Variants in EIF2AK4 observed in about 807,000 individuals in gnomAD.
The protein encoded by EIF2AK4 is eukaryotic translation initiation factor 2 alpha kinase 4.
Under a neutral mutation model 211.1 loss-of-function variants are expected in EIF2AK4, and 139 were observed. The observed-to-expected ratio is 0.66, with a 90% CI of 0.57 to 0.76. EIF2AK4 has a LOEUF of 0.76. Ranked by LOEUF, EIF2AK4 falls within the 30% of genes least tolerant of loss-of-function variation. EIF2AK4 has a pLI of 0.00. For synonymous variants in EIF2AK4, 710 were observed against 751.3 expected (o/e 0.94, Z 0.90); for missense variants, 1,664 against 2,043.8 (o/e 0.81, Z 3.58).
intron 4 of EIF2AK4, among the ~76,000 whole-genome samples, chr15:39,950,808 A>G (rs553015347): frequency 6.6e-6 from 1 of 152,314 alleles, no homozygotes; most frequent in African/African-American, 2.4e-5. Flanking sequence ...CCCATCTGAC[A>G]TGAAAGCAGA....
intron 7 of EIF2AK4, among the ~76,000 whole-genome samples, chr15:39,963,181 A>G (rs904925648): frequency 1.3e-5 from 2 of 152,228 alleles, no homozygotes; most frequent in African/African-American, 4.8e-5. Flanking sequence ...GAGCTGCCAT[A>G]TTTAGACAAA....
At chr15:39,999,732 A>G (rs1326684507) in intron 20 of EIF2AK4, among the ~76,000 whole-genome samples, 1 of 152,216 alleles carries the variant, frequency 6.6e-6, no homozygotes, top group African/African-American at 2.4e-5. Context: ...AGTGAAGGCC[A>G]TTAGAAATAC....
chr15:40,017,182 C>G lies in EIF2AK4; in HGVS notation c.4005C>G (p.Ile1335Met). ...TCATCTTCCAGTTTGTGGCTTTCAT[C>G]AAACGAAGGCAAAGGGCTGTACCTG... is the stretch of plus-strand genomic sequence containing the variant. ...NGIIFQFVAFIKRRQRAVPEI... is the reference protein window; with the variant it reads ...NGIIFQFVAFMKRRQRAVPEI... The change falls in exon 29 of 39, where the codon ATC (isoleucine) becomes ATG (methionine). Residue 1335 changes from isoleucine (I) to methionine (M), a missense_variant. Physicochemically the swap from Ile to Met is conservative, Grantham distance 10. Transcript: ENST00000263791. The G allele has an allele frequency of 3.7e-6, 6 of 1,614,008 alleles. No homozygotes were observed. The highest frequency in any genetic ancestry group is 4.2e-6 in the Non-Finnish European group (5 of 1,179,916).
chr15:40,030,416 A>C lies in EIF2AK4; in HGVS notation c.4619A>C (p.Glu1540Ala). ...CCCATTGTGAGTGTGCTAGCCCCGG[A>C]GAAGCTGTCAGCCAGCACTAGGAGG... Reference protein sequence around the residue: ...VVPIVSVLAPEKLSASTRRRY... With the variant: ...VVPIVSVLAPAKLSASTRRRY... The change falls in exon 35 of 39, where the codon GAG (glutamate) becomes GCG (alanine). Residue 1540 changes from glutamate to alanine, a missense_variant. Physicochemically the swap from Glu to Ala is moderately radical, Grantham distance 107 (BLOSUM62 -1). Coordinates refer to ENST00000263791, the MANE Select transcript of EIF2AK4 (RefSeq NM_001013703.4). 1 of 1,614,142 alleles carries C rather than the reference A, an allele frequency of 6.2e-7. No individual in the cohort carries two copies. The highest frequency in any genetic ancestry group is 1.1e-5 in the South Asian group (1 of 91,062).
At chr15:40,027,261 G>A in intron 33 of EIF2AK4, among the ~76,000 whole-genome samples, 1 of 152,074 alleles carries the variant, frequency 6.6e-6, no homozygotes, top group African/African-American at 2.4e-5. Flanking sequence ...TCTCCTGTCT[G>A]TTTATGTATT....
chr15:40,003,183 T>G lies in EIF2AK4; in HGVS notation c.3236-10T>G. 6.2e-7 allele frequency: 1 copy of G among 1,612,612 alleles called. No individual in the cohort carries two copies. Among genetic ancestry groups the G allele is most frequent in the Non-Finnish European group, 8.5e-7 (1 of 1,179,438 alleles). On this transcript the variant is annotated splice_polypyrimidine_tract_variant and intron_variant, in intron 22 of 38. Transcript: ENST00000263791. The stretch of plus-strand genomic sequence containing the variant: ...CCTGATGATGAGCTATTTTTTCTCA[T>G]TTGGTGTAGGAGCTGTTCAGTTGTG...
intron 29 of EIF2AK4, among the ~76,000 whole-genome samples, chr15:40,017,551 A>ATATGTATATGTATGTATG (rs57395145): frequency 1.1e-5 from 1 of 87,094 alleles, no homozygotes; most frequent in Non-Finnish European, 2.3e-5. Flanking sequence ...ATATATATAT[A>ATATGTATATGTATGTATG]TATGTATTTT....
At position 40,003,181 on chromosome 15, in the gene EIF2AK4, C is replaced by T. The variant is rs1567001142; in HGVS notation, c.3236-12C>T. On this transcript the variant is annotated splice_polypyrimidine_tract_variant and intron_variant, in intron 22 of 38. Transcript: ENST00000263791. ...AACCTGATGATGAGCTATTTTTTCT[C>T]ATTTGGTGTAGGAGCTGTTCAGTTG... is the stretch of plus-strand genomic sequence containing the variant. 3 of 1,610,304 alleles carry T rather than the reference C, an allele frequency of 1.9e-6. No homozygotes were observed. The highest frequency in any genetic ancestry group is 1.3e-5 in the African/African-American group (1 of 74,734).
intron 6 of EIF2AK4, among the ~76,000 whole-genome samples, chr15:39,958,551 G>A (rs1458862347): frequency 2.0e-5 from 3 of 152,140 alleles, no homozygotes; most frequent in Admixed American, 6.5e-5. Flanking sequence ...TCCTTGATAC[G>A]TCTCTCCAGA....
Position 40,001,077 on chromosome 15 carries a change from C to T in EIF2AK4, c.3012C>T (p.Pro1004=). 1 of 1,614,186 alleles carries T rather than the reference C, an allele frequency of 6.2e-7. No individual in the cohort carries two copies. The highest frequency in any genetic ancestry group is 8.5e-7 in the Non-Finnish European group (1 of 1,180,032). The change falls in exon 21 of 39, where the codon CCC becomes CCT. Residue 1004 remains proline, a synonymous_variant. Coordinates refer to ENST00000263791, the MANE Select transcript of EIF2AK4 (RefSeq NM_001013703.4). ...TCAAGAGTGAGCTGCTGCCCCCACC[C>T]CAGATGGAGGAGTCAGAGCTGCATG... ...ELLKSELLPP[P]QMEESELHEV... is the part of the protein sequence containing the mutation.
chr15:39,987,978 T>A lies in EIF2AK4; in HGVS notation c.2404-5T>A. 4 of 1,614,074 alleles carry A rather than the reference T, an allele frequency of 2.5e-6. No homozygotes were observed. The South Asian group carries it at 4.4e-5, about 18-fold the overall frequency. ...ATCAAATTCTCCTGGTTTGTCTGTA[T>A]ATAGATGGAGTACTGTGAGAAGAGC... On this transcript the variant is annotated splice_region_variant and splice_polypyrimidine_tract_variant and intron_variant, in intron 14 of 38. Transcript: ENST00000263791.
chr15:39,944,368 C>G (rs2034192257), intron 3 of EIF2AK4, among the ~76,000 whole-genome samples: 2 of 151,676 alleles, frequency 1.3e-5, no homozygotes, highest in African/African-American at 2.4e-5. Context: ...TATAACGCTT[C>G]TTTGCCCCAC....
Position 39,973,612 on chromosome 15 carries a change from G to A in EIF2AK4, c.1681G>A (p.Val561Ile). Residue 561 changes from valine to isoleucine, a missense_variant, in exon 11 of 39, where the codon GTT becomes ATT. Around this residue, in one of 7 missense-constraint regions of EIF2AK4, gnomAD observed 641 missense variants for 729.6 expected, o/e 0.88. Coordinates refer to ENST00000263791, the MANE Select transcript of EIF2AK4 (RefSeq NM_001013703.4). ...SPEDSEGQDYVETVIPSNRLP... is the reference protein window; with the variant it reads ...SPEDSEGQDYIETVIPSNRLP... ...CTCAGATTCTGAAGGACAAGATTATGTTGAGACTGTTATTCCTAGCAACCG... is the reference window on the plus strand; with the variant it reads ...CTCAGATTCTGAAGGACAAGATTATATTGAGACTGTTATTCCTAGCAACCG... 1 of 1,613,594 alleles carries A rather than the reference G, an allele frequency of 6.2e-7. No individual in the cohort carries two copies. The highest frequency in any genetic ancestry group is 1.1e-5 in the South Asian group (1 of 90,986).
intron 8 of EIF2AK4, among the ~76,000 whole-genome samples, chr15:39,966,876 G>A (rs2034551436): frequency 6.6e-6 from 1 of 151,838 alleles, no homozygotes; most frequent in African/African-American, 2.4e-5. Context: ...ACTCCTCTTT[G>A]CCATGTGAGG....
At position 40,007,050 on chromosome 15, in the gene EIF2AK4, T is replaced by C. The variant is rs2035171591; in HGVS notation, c.3392T>C (p.Ile1131Thr). 6.3e-7 allele frequency: 1 copy of C among 1,595,284 alleles called. No homozygotes were observed. The highest frequency in any genetic ancestry group is 8.6e-7 in the Non-Finnish European group (1 of 1,164,526). The part of the protein sequence containing the change: ...PFARYVARNN[I>T]LNLKRYCIER... ...GCAAGATATGTGGCAAGAAATAATA[T>C]ATTGAATTTAAAACGGTAAGAAACA... Residue 1131 changes from isoleucine (I) to threonine (T), a missense_variant, in exon 24 of 39, where the codon ATA becomes ACA. Transcript: ENST00000263791.
chr15:39,936,059 T>C (rs749528558), intron 1 of EIF2AK4, among the ~76,000 whole-genome samples: 2 of 152,170 alleles, frequency 1.3e-5, no homozygotes, highest in Admixed American at 6.5e-5. Context: ...CTGAACTAGT[T>C]TGTTTACTTT....
chr15:39,988,056 G>T lies in EIF2AK4; in HGVS notation c.2477G>T (p.Trp826Leu). 6.2e-7 allele frequency: 1 copy of T among 1,614,134 alleles called. No individual in the cohort carries two copies. Residue 826 changes from tryptophan to leucine, a missense_variant, in exon 15 of 39, where the codon TGG becomes TTG. Physicochemically the swap from Trp to Leu is moderately conservative, Grantham distance 61. Around this residue, in one of 7 missense-constraint regions of EIF2AK4, gnomAD observed 622 missense variants for 796.8 expected, o/e 0.78. Coordinates refer to ENST00000263791, the MANE Select transcript of EIF2AK4 (RefSeq NM_001013703.4). Reference sequence around the variant, plus strand: ...CTGTATCGAGACACCGTCAGACTCTGGAGGCTTTTTCGAGAGATTCTGGAT... The same window carrying T: ...CTGTATCGAGACACCGTCAGACTCTTGAGGCTTTTTCGAGAGATTCTGGAT... The part of the protein sequence containing the change: ...QGLYRDTVRL[W>L]RLFREILDGL...
chr15:39,984,451 C>G (rs531928120), intron 13 of EIF2AK4, among the ~76,000 whole-genome samples: 1 of 152,276 alleles, frequency 6.6e-6, no homozygotes, highest in East Asian at 1.9e-4. Flanking sequence ...GCAGTGTGGC[C>G]ATTTTCACAG....
At chr15:39,945,219 A>G (rs913118700) in intron 3 of EIF2AK4, among the ~76,000 whole-genome samples, 37 of 151,600 alleles carry the variant, frequency 2.4e-4, no homozygotes, top group African/African-American at 7.0e-4. Context: ...GGCTCAAGCA[A>G]TCTTCCTTCC....
Sources: gnomAD v4.1 joint callset for allele counts (sites outside exome capture counted in the v4.1 genomes callset) on GRCh38, gnomAD v4.1.1 for gene constraint, gnomAD v4.1.1 regional missense constraint, MANE v1.5 for transcripts, NCBI Gene and HGNC (gene_info 2026-07-23, HGNC 2026-07-21) for gene names.